Variants in FOCAD observed in about 807,000 individuals in gnomAD.
FOCAD encodes focadhesin, also known as KIAA1797.
In FOCAD, 198 loss-of-function variants were observed where a neutral mutation model predicts 225.6. The ratio of observed to expected loss-of-function variants is 0.88; its 90% CI spans 0.78 to 0.99. FOCAD has a LOEUF of 0.99. Among genes scored for constraint, FOCAD ranks in the 50% least tolerant of loss-of-function variants. The pLI is 0.00. For missense variants in FOCAD, 2,713 were observed against 2,123.6 expected, an observed-to-expected ratio of 1.28 and a Z score of -5.46; for synonymous variants, 897 against 755.0, an observed-to-expected ratio of 1.19 and a Z score of -3.08.
rs71334550 is a variant in FOCAD at position 20,712,730 on chromosome 9, CTTTTT to C, written c.-32-2574_-32-2570del. On this transcript the variant is annotated intron_variant, in intron 1 of 43. Transcript: ENST00000338382. ...ATCCTTGACTCCTTTCTCCTATATT[CTTTTT>C]TTTTTTTTTTTTTTTTTGACAGAAT... 7.7e-4 allele frequency among the ~76,000 whole-genome samples: 72 copies of C among 93,340 alleles called. 1 individual carries two copies. In the South Asian group the frequency reaches 0.022, roughly 28 times the overall value. 61.2% of individuals were successfully genotyped at this position (93,340 alleles called of 152,430 possible). A position where few individuals can be genotyped will look rare whatever the true frequency, so the allele number is the denominator to read the frequency against.
chr9:20,878,525 A>G (rs533090234), intron 19 of FOCAD, among the ~76,000 whole-genome samples: 1 of 152,146 alleles, frequency 6.6e-6, no homozygotes, highest in South Asian at 2.1e-4. Flanking sequence ...ACTTATCACA[A>G]CCCCTTTTCG....
chr9:20,875,641 T>A (rs1830168450), intron 19 of FOCAD: 1 of 151,888 alleles, frequency 6.6e-6, no homozygotes, highest in Admixed American at 6.6e-5. Context: ...TATGTGGTAA[T>A]TATTCTATAT....
rs149298943 is a variant in FOCAD at position 20,835,909 on chromosome 9, G to A, written c.1920+12794G>A. On this transcript the variant is annotated intron_variant, in intron 15 of 43. Coordinates refer to ENST00000338382, the MANE Select transcript of FOCAD (RefSeq NM_001375567.1). The stretch of plus-strand genomic sequence containing the variant: ...GATTGAGCAATAGATAAGGAGGAGG[G>A]GCGGCCTTTCCTGGGGATTCTTGAC... Among the ~76,000 whole-genome samples the A allele has an allele frequency of 4.7e-3, 720 of 152,164 alleles. 8 individuals carry two copies. Among genetic ancestry groups the A allele is most frequent in the Non-Finnish European group, 6.5e-3 (445 of 67,974 alleles).
chr9:20,817,247 C>A (rs1307141227), intron 11 of FOCAD, among the ~76,000 whole-genome samples: 1 of 152,094 alleles, frequency 6.6e-6, no homozygotes, highest in East Asian at 1.9e-4. Flanking sequence ...TTGAAGTGTA[C>A]AATTCAATGG....
At chr9:20,795,850 T>C (rs1371143882) in intron 11 of FOCAD, among the ~76,000 whole-genome samples, 1 of 150,984 alleles carries the variant, frequency 6.6e-6, no homozygotes, top group Non-Finnish European at 1.5e-5. Context: ...TTTTTTGTTA[T>C]ACTTTAAGTT....
At chr9:20,876,480 C>T (rs577114081) in intron 19 of FOCAD, among the ~76,000 whole-genome samples, 1 of 152,202 alleles carries the variant, frequency 6.6e-6, no homozygotes, top group Admixed American at 6.5e-5. Context: ...CTTCTCAGTA[C>T]AGAATGTGCA....
At chr9:20,944,255 C>T (rs1836953913) in intron 28 of FOCAD, among the ~76,000 whole-genome samples, 2 of 152,210 alleles carry the variant, frequency 1.3e-5, no homozygotes, top group Admixed American at 6.5e-5. Flanking sequence ...ACAGTATACT[C>T]AACATGCAGG....
At position 20,789,563 on chromosome 9, in the gene FOCAD, A is replaced by C. The variant is rs777494737; in HGVS notation, c.1410A>C (p.Gln470His). ...LVEDKGQNLH[Q>H]ILKVTTELAQ... is the part of the protein sequence containing the mutation. ...AAGACAAAGGACAAAATCTTCACCAAATACTCAAGGTCACTACAGAATTAG... is the reference window on the plus strand; with the variant it reads ...AAGACAAAGGACAAAATCTTCACCACATACTCAAGGTCACTACAGAATTAG... Residue 470 changes from glutamine to histidine, a missense_variant, in exon 11 of 44, where the codon CAA becomes CAC. Physicochemically the swap from Gln to His is conservative, Grantham distance 24. Coordinates refer to ENST00000338382, the MANE Select transcript of FOCAD (RefSeq NM_001375567.1). 4.4e-5 allele frequency: 71 copies of C among 1,614,006 alleles called. 1 individual carries two copies. In the South Asian group the frequency reaches 7.4e-4, roughly 17 times the overall value.
At chr9:20,784,257 A>G (rs1294694738) in intron 10 of FOCAD, among the ~76,000 whole-genome samples, 4 of 152,222 alleles carry the variant, frequency 2.6e-5, no homozygotes, top group Non-Finnish European at 5.9e-5. Flanking sequence ...GGTAGGAGGA[A>G]TCAAAGAAGC....
intron 35 of FOCAD, among the ~76,000 whole-genome samples, chr9:20,966,572 A>T (rs1277285862): frequency 6.6e-6 from 1 of 152,096 alleles, no homozygotes; most frequent in Non-Finnish European, 1.5e-5. Context: ...TTAATGCCAT[A>T]TCTGTGAATC....
rs997971497 is a variant in FOCAD, at chr9:20,948,902, G to A, written c.3850G>A (p.Val1284Ile). 1 of 1,613,432 alleles carries A rather than the reference G, an allele frequency of 6.2e-7. No homozygotes were observed. Among genetic ancestry groups the A allele is most frequent in the Non-Finnish European group, 8.5e-7 (1 of 1,179,550 alleles). ...LAALHGMVAL[V>I]GSEGDVMQLK... ...AGCTCTTCATGGCATGGTGGCCTTG[G>A]TAGGCTCTGAAGGGGATGTAATGCA... The change falls in exon 32 of 44, where the codon GTA becomes ATA. Residue 1284 changes from valine to isoleucine, a missense_variant. Transcript: ENST00000338382.
In FOCAD at chr9:20,885,128, T is replaced by A; in HGVS notation, c.2523T>A (p.Tyr841Ter). Residue 841 changes from tyrosine (Y) to a stop codon, truncating the protein, a stop_gained, in exon 21 of 44, where the codon TAT (tyrosine) becomes TAA (stop). Transcript: ENST00000338382. LOFTEE classifies it high-confidence loss of function. ...PGLAGGMLFC[Y>*]DVSMYQSKDG... ...TTAAAGGTGGTATGTTATTTTGCTA[T>A]GATGTTTCCATGTATCAGAGTAAAG... The A allele has an allele frequency of 1.3e-6, 2 of 1,494,454 alleles. No homozygotes were observed. Among genetic ancestry groups the A allele is most frequent in the Non-Finnish European group, 1.8e-6 (2 of 1,120,328 alleles). The allele number at this position is 1,494,454 out of a possible 1,614,324, so 92.6% of individuals were successfully genotyped here. A position where few individuals can be genotyped will look rare whatever the true frequency, so the allele number is the denominator to read the frequency against.
chr9:20,865,300 G>A (rs1169498857), intron 16 of FOCAD, among the ~76,000 whole-genome samples: 2 of 151,984 alleles, frequency 1.3e-5, no homozygotes, highest in African/African-American at 4.8e-5. Context: ...TGAAGTTTGG[G>A]GACTAGAATA....
chr9:20,829,265 G>T (rs1825241668), intron 15 of FOCAD, among the ~76,000 whole-genome samples: 1 of 152,024 alleles, frequency 6.6e-6, no homozygotes, highest in South Asian at 2.1e-4. Context: ...GTGTAAAAGT[G>T]TTCCTATTTC....
At chr9:20,890,608 C>T (rs1831530439) in intron 21 of FOCAD, among the ~76,000 whole-genome samples, 1 of 152,038 alleles carries the variant, frequency 6.6e-6, no homozygotes, top group South Asian at 2.1e-4. Context: ...CATCTGTGCT[C>T]ATGAGACATG....
intron 35 of FOCAD, among the ~76,000 whole-genome samples, chr9:20,967,171 A>G (rs947019861): frequency 1.3e-5 from 2 of 151,996 alleles, no homozygotes; most frequent in African/African-American, 4.8e-5. Context: ...ATGTCTTTCT[A>G]TTTATTTAGG....
chr9:20,805,124 A>G (rs575501675), intron 11 of FOCAD, among the ~76,000 whole-genome samples: 1 of 152,304 alleles, frequency 6.6e-6, no homozygotes, highest in South Asian at 2.1e-4. Flanking sequence ...AAGATTAAGC[A>G]CTTTAAGGTA....
At chr9:20,885,020 C>T (rs1041139788) in intron 20 of FOCAD, 89 bp from the exon 21 acceptor site, 12 of 759,620 alleles carry the variant, frequency 1.6e-5, no homozygotes, top group Non-Finnish European at 5.1e-6. Context: ...GATTGCACCA[C>T]TGCACTCCAG....
rs190111046 is a variant in FOCAD, at chr9:20,951,788, C to T, written c.4051+690C>T. ...GGAGATTTTCTGGGGAAGGCATGAC[C>T]GTTAATACATCTGCTCCTTGCTCTT... On this transcript the variant is annotated intron_variant, in intron 34 of 43. Transcript: ENST00000338382. 3.5e-4 allele frequency among the ~76,000 whole-genome samples: 54 copies of T among 152,228 alleles called. 1 individual carries two copies. The East Asian group carries it at 8.7e-3, about 24-fold the overall frequency.
Sources: gnomAD v4.1 joint callset for allele counts (sites outside exome capture counted in the v4.1 genomes callset) on GRCh38, gnomAD v4.1.1 for gene constraint, MANE v1.5 for transcripts, NCBI Gene and HGNC (gene_info 2026-07-23, HGNC 2026-07-21) for gene names.